Variants in SOD2 observed in about 807,000 individuals in gnomAD.
SOD2 encodes superoxide dismutase 2.
Under a neutral mutation model 27.0 loss-of-function variants are expected in SOD2, and 11 were observed. The ratio of observed to expected loss-of-function variants is 0.41; its 90% CI spans 0.26 to 0.67. The LOEUF is 0.67. SOD2 is among the 30% of genes least tolerant of loss of function. SOD2 has a pLI of 0.34. For missense variants in SOD2, 250 were observed against 274.5 expected (o/e 0.91, Z 0.63); for synonymous variants, 105 against 103.0 (o/e 1.02, Z -0.12).
intron 1 of SOD2, among the ~76,000 whole-genome samples, chr6:159,714,306 AACCCAATG>A (rs1167236699): frequency 6.6e-6 from 1 of 152,066 alleles, no homozygotes; most frequent in Non-Finnish European, 1.5e-5. Flanking sequence ...TCCCTCCAGA[AACCCAATG>A]ACCTTGGACT....
upstream of SOD2, among the ~76,000 whole-genome samples, chr6:159,729,212 C>G (rs1179366941): frequency 6.6e-6 from 1 of 152,158 alleles, no homozygotes; most frequent in Non-Finnish European, 1.5e-5. Context: ...CAGTTTTGAT[C>G]ATTATGTATT....
rs1197571811 is a variant in SOD2 at position 159,680,837 on chromosome 6, G to C, written c.*1656C>G. On this transcript the variant is annotated 3_prime_UTR_variant, in exon 5 of 5. Coordinates refer to ENST00000538183, the MANE Select transcript of SOD2 (RefSeq NM_000636.4). ...TGTAATCCCAGCTATTCAGGAGGCT[G>C]AGGTGGGACAATCACTTGAACCCGG... The C allele has an allele frequency of 1.3e-5, 2 of 151,624 alleles. No individual in the cohort carries two copies. The highest frequency in any genetic ancestry group is 2.9e-5 in the Non-Finnish European group (2 of 67,970). 9.4% of individuals were successfully genotyped at this position (151,624 alleles called of 1,614,324 possible).
chr6:159,736,186 T>C, intron 1 of SOD2: 1 of 1,398,564 alleles, frequency 7.2e-7, no homozygotes, highest in Admixed American at 2.0e-5. Flanking sequence ...TTTGAAAGAG[T>C]CAGTATTTTT....
rs1779732799 is a variant in SOD2, at chr6:159,674,465, C to G, written c.*8028G>C. 1.3e-5 allele frequency: 2 copies of G among 152,114 alleles called. No homozygotes were observed. The highest frequency in any genetic ancestry group is 2.9e-5 in the Non-Finnish European group (2 of 68,020). The allele number at this position is 152,114 out of a possible 1,614,324, so 9.4% of individuals were successfully genotyped here. A position where few individuals can be genotyped will look rare whatever the true frequency, so the allele number is the denominator to read the frequency against. ...ACATACACAAATCAATAAAAGTAAT[C>G]CAGCATATAAACAGAACCAAAGACA... On this transcript the variant is annotated 3_prime_UTR_variant, in exon 5 of 5. Transcript: ENST00000538183.
upstream of SOD2, among the ~76,000 whole-genome samples, chr6:159,729,512 A>G (rs909132024): frequency 2.0e-5 from 3 of 152,186 alleles, no homozygotes; most frequent in African/African-American, 7.2e-5. Context: ...ATAGAATTTA[A>G]TCTTTTCTAA....
At chr6:159,729,082 G>C (rs889092152), upstream of SOD2, among the ~76,000 whole-genome samples, 2 of 152,184 alleles carry the variant, frequency 1.3e-5, no homozygotes, top group African/African-American at 4.8e-5. Flanking sequence ...GAAACACAAT[G>C]TGTAAAAAGC....
upstream of SOD2, among the ~76,000 whole-genome samples, chr6:159,729,102 T>C (rs1778407668): frequency 6.6e-6 from 1 of 152,222 alleles, no homozygotes. Flanking sequence ...CCCTGTGATG[T>C]GGAGATGAGC....
At chr6:159,730,192 T>A (rs982165882), upstream of SOD2, among the ~76,000 whole-genome samples, 2 of 152,208 alleles carry the variant, frequency 1.3e-5, no homozygotes, top group African/African-American at 4.8e-5. Flanking sequence ...CTAACAGTCA[T>A]TTTCATCCTG....
chr6:159,743,564 AGACTT>A, intron 1 of SOD2: 1 of 1,150,316 alleles, frequency 8.7e-7, no homozygotes, highest in Non-Finnish European at 1.2e-6. Flanking sequence ...TGGAAACTAA[AGACTT>A]GATTAATTTT....
intron 1 of SOD2, among the ~76,000 whole-genome samples, chr6:159,740,291 GTTTTA>G (rs1291068789): frequency 6.6e-6 from 1 of 152,118 alleles, no homozygotes; most frequent in Non-Finnish European, 1.5e-5. Context: ...TCATAGAAAT[GTTTTA>G]TTTTAAGATA....
chr6:159,739,125 C>G (rs1779092058), intron 1 of SOD2: 20 of 1,174,802 alleles, frequency 1.7e-5, no homozygotes, highest in Non-Finnish European at 2.3e-5. Flanking sequence ...GTCTTTGTGC[C>G]AGATATTGTT....
At chr6:159,704,447 G>A (rs1180017699) in intron 1 of SOD2, among the ~76,000 whole-genome samples, 2 of 152,226 alleles carry the variant, frequency 1.3e-5, no homozygotes, top group Non-Finnish European at 2.9e-5. Flanking sequence ...CTTTTCCAAT[G>A]GTCTTAGCAA....
intron 1 of SOD2, among the ~76,000 whole-genome samples, chr6:159,735,557 T>C (rs1778857341): frequency 6.6e-6 from 1 of 152,146 alleles, no homozygotes; most frequent in Admixed American, 6.5e-5. Context: ...GAGACCAGCC[T>C]GACCAACACG....
chr6:159,740,634 G>A (rs1779194811), intron 1 of SOD2, among the ~76,000 whole-genome samples: 2 of 151,856 alleles, frequency 1.3e-5, no homozygotes. Flanking sequence ...CATGGCCTTG[G>A]CTGAACATCA....
chr6:159,683,449 C>G (rs941849647), intron 4 of SOD2, among the ~76,000 whole-genome samples: 4 of 152,180 alleles, frequency 2.6e-5, no homozygotes, highest in Admixed American at 2.6e-4. Flanking sequence ...TGCGCCACTG[C>G]ACTCCAGCCT....
intron 3 of SOD2, among the ~76,000 whole-genome samples, chr6:159,686,645 T>A (rs919744008): frequency 3.3e-5 from 5 of 151,916 alleles, no homozygotes; most frequent in Non-Finnish European, 7.4e-5. Context: ...CTAAACTCCA[T>A]CTCCAAAATA....
chr6:159,710,631 C>G (rs1418978248), intron 1 of SOD2, among the ~76,000 whole-genome samples: 1 of 152,108 alleles, frequency 6.6e-6, no homozygotes, highest in Admixed American at 6.5e-5. Context: ...CCTAACCAAG[C>G]TTTGACTGAC....
chr6:159,762,007 C>G, exon 1 of SOD2: 1 of 1,547,000 alleles, frequency 6.5e-7, no homozygotes, highest in South Asian at 1.2e-5. Context: ...AGGTCCCGCC[C>G]GCGGCAGGCC....
Position 159,718,928 on chromosome 6 carries a change from C to T in SOD2, c.-116+8201G>A, listed in dbSNP as rs77802626. On this transcript the variant is annotated intron_variant, in intron 1 of 2. Coordinates refer to the SOD2 transcript ENST00000401980. ...ACCAGACGTGAGCTCTTGAGAGCGT[C>T]GTGGATTAACATTAACATTTTTAAC... Among the ~76,000 whole-genome samples the T allele has an allele frequency of 3.6e-3, 553 of 152,264 alleles. 3 individuals carry two copies. The highest frequency in any genetic ancestry group is 0.012 in the African/African-American group (514 of 41,552).
Sources: allele counts gnomAD v4.1 joint callset (sites outside exome capture counted in the v4.1 genomes callset), GRCh38; gene constraint gnomAD v4.1.1; transcripts MANE v1.5; gene names NCBI Gene and HGNC (gene_info 2026-07-23, HGNC 2026-07-21).